The following UNC5D variants were observed in gnomAD, a reference collection of about 807,000 sequenced individuals.
UNC5D encodes netrin receptor UNC5D.
In UNC5D, 39 loss-of-function variants were observed where a neutral mutation model predicts 105.4. That is an observed-to-expected ratio of 0.37 (90% CI 0.29 to 0.48). The LOEUF (loss-of-function observed/expected upper bound fraction) is 0.48. Ranked by LOEUF, UNC5D falls within the 20% of genes least tolerant of loss-of-function variation. The pLI is 0.98. For missense variants in UNC5D, 991 were observed against 1,202.4 expected (o/e 0.82, Z 2.60); for synonymous variants, 452 against 450.4 (o/e 1.00, Z -0.04).
rs147869597 is a variant in UNC5D at position 35,641,661 on chromosome 8, G to C, written c.571-41886G>C. 3.3e-3 allele frequency among the ~76,000 whole-genome samples: 503 copies of C among 152,228 alleles called. 3 individuals carry two copies. The highest frequency in any genetic ancestry group is 0.012 in the African/African-American group (480 of 41,554). On this transcript the variant is annotated intron_variant, in intron 4 of 16. Coordinates refer to ENST00000404895, the MANE Select transcript of UNC5D (RefSeq NM_080872.4). ...TGTATTCTGTATCATCTCATGGATAGAAAGAAAAGGATAAACTGAGCCTCA... is the reference window on the plus strand; with the variant it reads ...TGTATTCTGTATCATCTCATGGATACAAAGAAAAGGATAAACTGAGCCTCA...
At chr8:35,460,265 T>A (rs912087618) in intron 1 of UNC5D, among the ~76,000 whole-genome samples, 2 of 152,142 alleles carry the variant, frequency 1.3e-5, no homozygotes, top group Non-Finnish European at 2.9e-5. Context: ...GTTCAAAACA[T>A]TCCTGAGGCT....
chr8:35,480,049 G>T (rs554590210), intron 1 of UNC5D, among the ~76,000 whole-genome samples: 1 of 152,138 alleles, frequency 6.6e-6, no homozygotes, highest in Non-Finnish European at 1.5e-5. Flanking sequence ...AGATCACTCT[G>T]AGTTATCAGT....
intron 16 of UNC5D, among the ~76,000 whole-genome samples, chr8:35,784,050 A>G (rs1802629375): frequency 6.6e-6 from 1 of 152,098 alleles, no homozygotes. Context: ...GCATAGGCCA[A>G]CTGAAATTGG....
chr8:35,640,745 C>G (rs1563621180), intron 4 of UNC5D, among the ~76,000 whole-genome samples: 1 of 152,112 alleles, frequency 6.6e-6, no homozygotes, highest in South Asian at 2.1e-4. Flanking sequence ...AGTGTCATGT[C>G]TTTTGAATTC....
intron 1 of UNC5D, among the ~76,000 whole-genome samples, chr8:35,391,134 A>C (rs1803745996): frequency 6.6e-6 from 1 of 152,244 alleles, no homozygotes; most frequent in South Asian, 2.1e-4. Flanking sequence ...AGTCTTGACA[A>C]AAACGTTTGC....
At chr8:35,416,992 A>G (rs1805572753) in intron 1 of UNC5D, among the ~76,000 whole-genome samples, 1 of 152,118 alleles carries the variant, frequency 6.6e-6, no homozygotes. Flanking sequence ...TATCAAGTAC[A>G]TGAGATGTTT....
chr8:35,706,138 A>G (rs1177261161), intron 8 of UNC5D, among the ~76,000 whole-genome samples, 177 bp downstream of exon 8: 1 of 152,122 alleles, frequency 6.6e-6, no homozygotes, highest in South Asian at 2.1e-4. Context: ...AGAAATATGC[A>G]CACCCCTCTC....
At chr8:35,634,365 ACAAAGGAGTAG>A (rs1298088581) in intron 4 of UNC5D, among the ~76,000 whole-genome samples, 1 of 152,256 alleles carries the variant, frequency 6.6e-6, no homozygotes, top group Non-Finnish European at 1.5e-5. Context: ...AAGGCAATGC[ACAAAGGAGTAG>A]CAAAGGTTGC....
At chr8:35,357,818 A>G (rs955710124) in intron 1 of UNC5D, among the ~76,000 whole-genome samples, 8 of 151,976 alleles carry the variant, frequency 5.3e-5, no homozygotes, top group Non-Finnish European at 1.5e-5. Flanking sequence ...TATCACTGAA[A>G]TTTTCATTGA....
chr8:35,789,086 A>ACTC (rs1260730964), intron 16 of UNC5D, among the ~76,000 whole-genome samples: 1 of 139,006 alleles, frequency 7.2e-6, no homozygotes, highest in Non-Finnish European at 1.6e-5. Context: ...GTGTTACCTA[A>ACTC]CTCAGGGTCA....
chr8:35,418,115 A>G (rs1372438236), intron 1 of UNC5D, among the ~76,000 whole-genome samples: 2 of 151,920 alleles, frequency 1.3e-5, no homozygotes, highest in East Asian at 3.9e-4. Flanking sequence ...GAGATAGGGG[A>G]TTGATTTTAA....
At chr8:35,546,904 G>C (rs1815724185) in intron 1 of UNC5D, among the ~76,000 whole-genome samples, 1 of 152,094 alleles carries the variant, frequency 6.6e-6, no homozygotes, top group South Asian at 2.1e-4. Flanking sequence ...GACATAAACT[G>C]TTTGCCCTTA....
intron 1 of UNC5D, among the ~76,000 whole-genome samples, chr8:35,543,643 T>TCAAA (rs10665261): frequency 0.14 from 21,842 of 152,156 alleles, 1,949 homozygotes; most frequent in East Asian, 0.26. Context: ...TATTTTATTC[T>TCAAA]CAATTATTCT....
chr8:35,381,645 G>A (rs780868736), intron 1 of UNC5D, among the ~76,000 whole-genome samples: 7 of 151,212 alleles, frequency 4.6e-5, no homozygotes, highest in East Asian at 1.9e-4. Context: ...GCTTAATCTC[G>A]TGCATGTTTT....
chr8:35,238,100 CA>C (rs539465570), intron 1 of UNC5D, among the ~76,000 whole-genome samples: 32 of 152,174 alleles, frequency 2.1e-4, no homozygotes, highest in Non-Finnish European at 4.1e-4. Context: ...TGATTTGAAA[CA>C]AGATACTTTG....
intron 13 of UNC5D, among the ~76,000 whole-genome samples, chr8:35,751,366 G>A (rs1324613253): frequency 6.6e-6 from 1 of 152,214 alleles, no homozygotes; most frequent in Admixed American, 6.5e-5. Flanking sequence ...GCCTCCAGCT[G>A]CATGACTCCG....
chr8:35,689,394 G>T (rs1051493614), intron 7 of UNC5D, among the ~76,000 whole-genome samples: 7 of 152,190 alleles, frequency 4.6e-5, no homozygotes, highest in African/African-American at 1.7e-4. Flanking sequence ...TCCTAACTCT[G>T]ATATCTGAGA....
chr8:35,406,695 T>G (rs1219399007), intron 1 of UNC5D, among the ~76,000 whole-genome samples: 3 of 152,194 alleles, frequency 2.0e-5, no homozygotes, highest in African/African-American at 7.2e-5. Context: ...CCTGGGGCTC[T>G]GATACAATTT....
chr8:35,299,146 G>A (rs146794097), intron 1 of UNC5D, among the ~76,000 whole-genome samples: 2 of 152,290 alleles, frequency 1.3e-5, no homozygotes, highest in East Asian at 3.9e-4. Flanking sequence ...CCCTTCTTCT[G>A]AGGAAGTAGA....
Sources: gnomAD v4.1 joint callset for allele counts (sites outside exome capture counted in the v4.1 genomes callset) on GRCh38, gnomAD v4.1.1 for gene constraint, MANE v1.5 for transcripts, NCBI Gene and HGNC (gene_info 2026-07-23, HGNC 2026-07-21) for gene names.